EPM2A: variants seen among roughly 807,000 people sequenced by gnomAD.
EPM2A encodes EPM2A glucan phosphatase, laforin, also known as laforin.
Under a neutral mutation model 26.5 loss-of-function variants are expected in EPM2A, and 21 were observed. That is an observed-to-expected ratio of 0.79 (90% CI 0.56 to 1.14). The LOEUF (loss-of-function observed/expected upper bound fraction) is 1.14, where lower values mean the gene tolerates loss of function less well. Among genes scored for constraint, EPM2A ranks in the 50% most tolerant of loss-of-function variants. The probability of loss-of-function intolerance (pLI) is 0.00; values close to 1 mark genes in which losing one functional copy is unlikely to be tolerated. For synonymous variants in EPM2A, 217 were observed against 177.6 expected (o/e 1.22, Z -1.76); for missense variants, 458 against 440.8 (o/e 1.04, Z -0.35).
Position 145,704,157 on chromosome 6 carries a change from A to G in EPM2A, c.302-17861T>C, listed in dbSNP as rs987494949. Among the ~76,000 whole-genome samples, 9 of 152,334 alleles carry G rather than the reference A, an allele frequency of 5.9e-5. No individual in the cohort carries two copies. In the East Asian group the frequency reaches 1.5e-3, roughly 26 times the overall value. ...AAGTTCTTAATAAATTGCTAAGCTTAAAGAGACTGCAGTCACATTTACTTC... is the reference window on the plus strand; with the variant it reads ...AAGTTCTTAATAAATTGCTAAGCTTGAAGAGACTGCAGTCACATTTACTTC... On this transcript the variant is annotated intron_variant, in intron 1 of 3. Coordinates refer to ENST00000367519, the MANE Select transcript of EPM2A (RefSeq NM_005670.4).
intron 2 of EPM2A, among the ~76,000 whole-genome samples, chr6:145,521,787 T>C (rs571435956): frequency 6.6e-6 from 1 of 152,240 alleles, no homozygotes. Context: ...TTAGGATGAA[T>C]AAAAATAAGA....
chr6:145,735,312 C>T lies in EPM2A; in HGVS notation c.187G>A (p.Glu63Lys). ...ALQEPGLWLG[E>K]VELAAEEAAQ... ...GCCTCCTCGGCCGCCAGCTCCACCT[C>T]CCCGAGCCACAGGCCCGGCTCCTGC... is the stretch of plus-strand genomic sequence containing the variant. Residue 63 changes from glutamate to lysine, a missense_variant, in exon 1 of 4, where the codon GAG becomes AAG. Physicochemically the swap from Glu to Lys is moderately conservative, Grantham distance 56. Coordinates refer to ENST00000367519, the MANE Select transcript of EPM2A (RefSeq NM_005670.4). 6.8e-7 allele frequency: 1 copy of T among 1,466,844 alleles called. No homozygotes were observed. Among genetic ancestry groups the T allele is most frequent in the Non-Finnish European group, 9.0e-7 (1 of 1,106,930 alleles). 90.9% of individuals were successfully genotyped at this position (1,466,844 alleles called of 1,614,324 possible). A position where few individuals can be genotyped will look rare whatever the true frequency, so the allele number is the denominator to read the frequency against.
intron 2 of EPM2A, among the ~76,000 whole-genome samples, chr6:145,562,128 G>T (rs440696): frequency 0.056 from 7,604 of 135,366 alleles, 662 homozygotes; most frequent in African/African-American, 0.18. Context: ...TTACAAAAAG[G>T]AAAAAAAAAA....
intron 2 of EPM2A, among the ~76,000 whole-genome samples, chr6:145,654,375 T>A (rs1436188701): frequency 6.6e-6 from 1 of 152,116 alleles, no homozygotes; most frequent in Non-Finnish European, 1.5e-5. Flanking sequence ...GAGACAGGGT[T>A]TCTCCATGTT....
intron 2 of EPM2A, among the ~76,000 whole-genome samples, chr6:145,598,539 C>T (rs993612296): frequency 5.3e-5 from 8 of 152,024 alleles, no homozygotes; most frequent in African/African-American, 1.7e-4. Context: ...CAAATATTTT[C>T]TCTCATTCTC....
At chr6:145,620,652 T>TA (rs1186959798), downstream of EPM2A, among the ~76,000 whole-genome samples, 1 of 152,228 alleles carries the variant, frequency 6.6e-6, no homozygotes, top group Non-Finnish European at 1.5e-5. Context: ...TCTTGATAAG[T>TA]ATGGTAATGA....
intron 2 of EPM2A, among the ~76,000 whole-genome samples, chr6:145,582,875 T>C (rs1248386202): frequency 6.6e-6 from 1 of 152,208 alleles, no homozygotes; most frequent in Non-Finnish European, 1.5e-5. Context: ...TCTTTATTTG[T>C]GTCTGACTGA....
intron 4 of EPM2A, among the ~76,000 whole-genome samples, chr6:145,392,682 A>C (rs1030909313): frequency 1.3e-5 from 2 of 151,760 alleles, no homozygotes; most frequent in Non-Finnish European, 2.9e-5. Context: ...CCTAAAACAG[A>C]CTCAGTTGAA....
At chr6:145,397,105 C>A (rs1311330072) in intron 4 of EPM2A, among the ~76,000 whole-genome samples, 1 of 152,184 alleles carries the variant, frequency 6.6e-6, no homozygotes, top group Non-Finnish European at 1.5e-5. Context: ...TTGCAGTTCA[C>A]TCCCGTGAGA....
At chr6:145,636,670 G>A (rs1345852252) in intron 2 of EPM2A, 1 of 152,048 alleles carries the variant, frequency 6.6e-6, no homozygotes, top group Non-Finnish European at 1.5e-5. Flanking sequence ...CACGCCTGTA[G>A]TCTGGCACTT....
At chr6:145,660,189 A>G (rs1169097046) in intron 2 of EPM2A, among the ~76,000 whole-genome samples, 1 of 152,150 alleles carries the variant, frequency 6.6e-6, no homozygotes, top group Admixed American at 6.5e-5. Flanking sequence ...TTGTACCCCA[A>G]TATCTAACCC....
At chr6:145,504,936 TC>T (rs1779948261) in intron 2 of EPM2A, among the ~76,000 whole-genome samples, 1 of 66,586 alleles carries the variant, frequency 1.5e-5, no homozygotes, top group Non-Finnish European at 3.0e-5. Context: ...TGAGTTCATG[TC>T]CTTTGTAGGG....
intron 4 of EPM2A, among the ~76,000 whole-genome samples, chr6:145,494,075 T>C (rs1458464959): frequency 2.6e-5 from 4 of 152,240 alleles, no homozygotes; most frequent in Non-Finnish European, 5.9e-5. Flanking sequence ...CTATTCTGTG[T>C]ACATCTGGTA....
At chr6:145,717,440 A>G (rs1471887827) in intron 1 of EPM2A, among the ~76,000 whole-genome samples, 1 of 152,186 alleles carries the variant, frequency 6.6e-6, no homozygotes, top group Non-Finnish European at 1.5e-5. Context: ...AAAACTCTCA[A>G]TAAATTAGGT....
Position 145,735,360 on chromosome 6 carries a change from CCG to C in EPM2A, c.137_138del (p.Ala46GlyfsTer61). 1 of 1,210,538 alleles carries C rather than the reference CCG, an allele frequency of 8.3e-7. No homozygotes were observed. Among genetic ancestry groups the C allele is most frequent in the South Asian group, 2.2e-5 (1 of 44,570 alleles). 75.0% of individuals were successfully genotyped at this position (1,210,538 alleles called of 1,614,324 possible). On this transcript the variant is annotated frameshift_variant, in exon 1 of 4. Coordinates refer to ENST00000367519, the MANE Select transcript of EPM2A (RefSeq NM_005670.4). LOFTEE classifies it high-confidence loss of function. ...GAVRLRPAGTAAGDGALALQE... is the reference protein window; with the variant it reads ...GAVRLRPAGTXAGDGALALQE... The stretch of plus-strand genomic sequence containing the variant: ...TGCAGGGCCAGGGCCCCGTCGCCCG[CCG>C]CGGTGCCGGCCGGCCTCAGGCGGAC...
At chr6:145,531,616 T>C (rs1026328332) in intron 2 of EPM2A, among the ~76,000 whole-genome samples, 1 of 152,130 alleles carries the variant, frequency 6.6e-6, no homozygotes, top group African/African-American at 2.4e-5. Context: ...CCTCAGATCC[T>C]CTTTAGAGTC....
chr6:145,490,197 T>C lies in EPM2A; in HGVS notation c.555+12325A>G. ...ACTAGACGCTCTGAAATAGTGTCAC[T>C]GAGATGCCTCATTAATTTACTTCCT... On this transcript the variant is annotated intron_variant, in intron 4 of 4. Coordinates refer to the EPM2A transcript ENST00000638717. The C allele has an allele frequency of 2.8e-6, 3 of 1,060,592 alleles. 1 individual carries two copies. The highest frequency in any genetic ancestry group is 4.2e-6 in the Non-Finnish European group (3 of 722,046). The allele number at this position is 1,060,592 out of a possible 1,614,324, so 65.7% of individuals were successfully genotyped here. A position where few individuals can be genotyped will look rare whatever the true frequency, so the allele number is the denominator to read the frequency against.
intron 3 of EPM2A, chr6:145,633,626 C>A (rs1776429176): frequency 6.6e-6 from 1 of 152,242 alleles, no homozygotes; most frequent in Admixed American, 6.5e-5. Flanking sequence ...CCATAAAGGG[C>A]TGAGGTGGGC....
chr6:145,655,085 A>C (rs1373617512), intron 2 of EPM2A, among the ~76,000 whole-genome samples: 1 of 152,086 alleles, frequency 6.6e-6, no homozygotes, highest in Non-Finnish European at 1.5e-5. Context: ...GACCATGTGG[A>C]AGCACAAGAA....
Sources: allele counts gnomAD v4.1 joint callset (sites outside exome capture counted in the v4.1 genomes callset), GRCh38; gene constraint gnomAD v4.1.1; transcripts MANE v1.5; gene names NCBI Gene and HGNC (gene_info 2026-07-23, HGNC 2026-07-21).